The following BTD variants were observed in gnomAD, a reference collection of about 807,000 sequenced individuals.
BTD encodes the protein biocytinase.
Under a neutral mutation model 17.7 loss-of-function variants are expected in BTD, and 13 were observed. The ratio of observed to expected loss-of-function variants is 0.74; its 90% CI spans 0.48 to 1.17. The LOEUF (loss-of-function observed/expected upper bound fraction) is 1.17. Among genes scored for constraint, BTD ranks in the 50% most tolerant of loss-of-function variants. The pLI, the probability that BTD is intolerant of heterozygous loss-of-function variation, is 0.00. For missense variants in BTD, 674 were observed against 650.4 expected, an observed-to-expected ratio of 1.04 and a Z score of -0.39; for synonymous variants, 240 against 245.2, an observed-to-expected ratio of 0.98 and a Z score of 0.20.
chr3:15,622,406 G>A (rs2064972604), intron 1 of BTD, among the ~76,000 whole-genome samples: 1 of 152,172 alleles, frequency 6.6e-6, no homozygotes, highest in Non-Finnish European at 1.5e-5. Context: ...ACTGTGGTCT[G>A]AGAGCAGATA....
intron 1 of BTD, chr3:15,602,336 G>A (rs1171145493): frequency 1.9e-6 from 2 of 1,048,258 alleles, no homozygotes; most frequent in Admixed American, 4.8e-5. Flanking sequence ...GTTTTCTCCA[G>A]CCCTTGCTAC....
intron 3 of BTD, chr3:15,670,671 T>C (rs1488282339): frequency 4.6e-6 from 5 of 1,083,940 alleles, no homozygotes; most frequent in Admixed American, 2.8e-5. Context: ...ACTTAGCTTA[T>C]AATAAATTGC....
intron 3 of BTD, chr3:15,694,700 A>G: frequency 6.4e-7 from 1 of 1,562,480 alleles, no homozygotes; most frequent in Non-Finnish European, 8.8e-7. Context: ...TTTTCAGTAA[A>G]CCAGCAGCCA....
intron 2 of BTD, among the ~76,000 whole-genome samples, chr3:15,640,909 A>C (rs1171457219): frequency 6.6e-6 from 1 of 152,176 alleles, no homozygotes; most frequent in African/African-American, 2.4e-5. Context: ...ACCAGGAAAA[A>C]AATTTAAAAG....
rs115310224 is a variant in BTD at position 15,608,278 on chromosome 3, T to C, written c.-17+6384T>C. On this transcript the variant is annotated intron_variant, in intron 1 of 3. Coordinates refer to ENST00000643237, the MANE Select transcript of BTD (RefSeq NM_001370658.1). ...ACAGAAGGAATGTTGTTCCCTTGTT[T>C]TAGCTTTGTGTTCATCCATTATGGG... is the stretch of plus-strand genomic sequence containing the variant. Among the ~76,000 whole-genome samples the C allele has an allele frequency of 7.4e-3, 1,121 of 152,332 alleles. 11 individuals carry two copies. Among genetic ancestry groups the C allele is most frequent in the African/African-American group, 0.026 (1,068 of 41,574 alleles).
At chr3:15,666,394 C>T (rs2065991115) in intron 3 of BTD, among the ~76,000 whole-genome samples, 1 of 69,952 alleles carries the variant, frequency 1.4e-5, no homozygotes, top group South Asian at 5.7e-4. Context: ...TGGGCAAACA[C>T]TACTTCATCT....
At chr3:15,654,282 G>C (rs964881802), downstream of BTD, among the ~76,000 whole-genome samples, 20 of 152,184 alleles carry the variant, frequency 1.3e-4, no homozygotes, top group African/African-American at 4.8e-4. Context: ...GGTTCTGCAG[G>C]CTCTGCAGGC....
chr3:15,603,619 T>A (rs1574966006), intron 1 of BTD, among the ~76,000 whole-genome samples: 2 of 152,188 alleles, frequency 1.3e-5, no homozygotes, highest in Admixed American at 1.3e-4. Context: ...ATTGGGCCAC[T>A]GCACTCCAGC....
In BTD at chr3:15,651,916, G is replaced by C. The variant is rs965558556; in HGVS notation, c.*6428G>C. On this transcript the variant is annotated 3_prime_UTR_variant, in exon 4 of 4. Coordinates refer to ENST00000643237, the MANE Select transcript of BTD (RefSeq NM_001370658.1). Reference sequence around the variant, plus strand: ...TAGCTAGTCTCAAGATTAGCCCCCAGTGCTCCCCACCTGCTGGTATCCGTT... The same window carrying C: ...TAGCTAGTCTCAAGATTAGCCCCCACTGCTCCCCACCTGCTGGTATCCGTT... Among the ~76,000 whole-genome samples the C allele has an allele frequency of 1.3e-5, 2 of 152,190 alleles. No individual in the cohort carries two copies. Among genetic ancestry groups the C allele is most frequent in the Admixed American group, 6.5e-5 (1 of 15,282 alleles).
chr3:15,675,514 A>G (rs550979966), intron 3 of BTD, among the ~76,000 whole-genome samples: 12 of 152,210 alleles, frequency 7.9e-5, no homozygotes, highest in Non-Finnish European at 1.8e-4. Context: ...TCAAACTGAC[A>G]TTATGAAGTA....
rs755603849 is a variant in BTD, at chr3:15,635,475, C to G, written c.36C>G (p.Leu12=). Residue 12 remains leucine, a synonymous_variant, in exon 2 of 4, where the codon CTC becomes CTG. Coordinates refer to ENST00000643237, the MANE Select transcript of BTD (RefSeq NM_001370658.1). This position sits in a 1 kb window ranked among gnomAD's most constrained non-coding sequence, Gnocchi z 4.1. ...CCAGAAGTAAGCTTGCTCTTTTCCT[C>G]TGCGGCTGTTACGTGGTTGCCCTGG... The part of the protein sequence containing the change: ...SGARSKLALF[L]CGCYVVALGA... 1 of 1,614,216 alleles carries G rather than the reference C, an allele frequency of 6.2e-7. No individual in the cohort carries two copies. Among genetic ancestry groups the G allele is most frequent in the South Asian group, 1.1e-5 (1 of 91,088 alleles).
chr3:15,695,829 C>T (rs185737407), intron 3 of BTD, among the ~76,000 whole-genome samples: 2 of 151,952 alleles, frequency 1.3e-5, no homozygotes, highest in Non-Finnish European at 2.9e-5. Context: ...ACAAAAGACA[C>T]AGTTATAGTT....
intron 1 of BTD, among the ~76,000 whole-genome samples, chr3:15,611,211 A>G (rs1044475919): frequency 1.3e-5 from 2 of 152,208 alleles, no homozygotes; most frequent in Non-Finnish European, 2.9e-5. Flanking sequence ...AATAGGAGTC[A>G]CTGGGCAGGG....
At position 15,640,221 on chromosome 3, in the gene BTD, T is replaced by A. The variant is rs1294938213; in HGVS notation, c.250-1687T>A. Among the ~76,000 whole-genome samples the A allele has an allele frequency of 5.3e-5, 8 of 152,170 alleles. No homozygotes were observed. In the East Asian group the frequency reaches 1.5e-3, roughly 29 times the overall value. Reference sequence around the variant, plus strand: ...GATGCAATCAAAGATTTGTGTGAAGTGTATAATTATGCAATAAGTGTTTTG... The same window carrying A: ...GATGCAATCAAAGATTTGTGTGAAGAGTATAATTATGCAATAAGTGTTTTG... On this transcript the variant is annotated intron_variant, in intron 2 of 3. Transcript: ENST00000643237.
At chr3:15,660,152 T>C (rs568373783) in intron 3 of BTD, among the ~76,000 whole-genome samples, 10 of 152,306 alleles carry the variant, frequency 6.6e-5, no homozygotes, top group African/African-American at 2.4e-4. Flanking sequence ...ACAAGAAAAC[T>C]GTGGTGGGGA....
chr3:15,601,860 G>C lies in BTD; in HGVS notation c.-51G>C. The C allele has an allele frequency of 6.2e-7, 1 of 1,614,214 alleles. No individual in the cohort carries two copies. The highest frequency in any genetic ancestry group is 8.5e-7 in the Non-Finnish European group (1 of 1,180,050). ...GGGCTGTAAAGGGAGAATGGCGCAT[G>C]CGCATATTCAGGGCGGAAGGCGCGC... is the stretch of plus-strand genomic sequence containing the variant. On this transcript the variant is annotated 5_prime_UTR_variant, in exon 1 of 4. It removes an upstream start codon present in the reference 5' UTR. Coordinates refer to ENST00000643237, the MANE Select transcript of BTD (RefSeq NM_001370658.1).
In BTD at chr3:15,645,260, C is replaced by G; in HGVS notation, c.1344C>G (p.Phe448Leu). Reference sequence around the variant, plus strand: ...TGGTCAGGTGTGGGGGTCTTGGCTTCGACACCTGTGGACAGGAAATCACAG... The same window carrying G: ...TGGTCAGGTGTGGGGGTCTTGGCTTGGACACCTGTGGACAGGAAATCACAG... ...CALVRCGGLG[F>L]DTCGQEITEA... The change falls in exon 4 of 4, where the codon TTC (phenylalanine) becomes TTG (leucine). Residue 448 changes from phenylalanine (F) to leucine (L), a missense_variant. Coordinates refer to ENST00000643237, the MANE Select transcript of BTD (RefSeq NM_001370658.1). 6.2e-7 allele frequency: 1 copy of G among 1,614,134 alleles called. No individual in the cohort carries two copies. Among genetic ancestry groups the G allele is most frequent in the Non-Finnish European group, 8.5e-7 (1 of 1,180,006 alleles).
intron 3 of BTD, chr3:15,685,192 C>T (rs1434300747): frequency 3.1e-6 from 5 of 1,599,356 alleles, no homozygotes; most frequent in East Asian, 2.2e-5. Flanking sequence ...CTGTTCACTA[C>T]ACAATGATAT....
At chr3:15,697,570 T>C (rs756622804) in intron 3 of BTD, among the ~76,000 whole-genome samples, 4 of 152,168 alleles carry the variant, frequency 2.6e-5, no homozygotes, top group Admixed American at 6.6e-5. Context: ...TTTGCGTACG[T>C]TGAACCAGCC....
Sources: allele counts gnomAD v4.1 joint callset (sites outside exome capture counted in the v4.1 genomes callset), GRCh38; gene constraint gnomAD v4.1.1; non-coding constraint Gnocchi (gnomAD v3.1); transcripts MANE v1.5; gene names NCBI Gene and HGNC (gene_info 2026-07-23, HGNC 2026-07-21).